The following SHPK variants were observed in gnomAD, a reference collection of about 807,000 sequenced individuals.
SHPK encodes the protein carbohydrate kinase-like protein.
In SHPK, 51 loss-of-function variants were observed where a neutral mutation model predicts 46.3. The observed-to-expected ratio is 1.10, with a 90% CI of 0.88 to 1.39. The LOEUF is 1.39. Ranked by LOEUF, SHPK falls within the 40% of genes most tolerant of loss-of-function variation. The pLI is 0.00. For synonymous variants in SHPK, 290 were observed against 273.9 expected, an observed-to-expected ratio of 1.06 and a Z score of -0.58; for missense variants, 668 against 641.3, an observed-to-expected ratio of 1.04 and a Z score of -0.45.
chr17:3,611,195 A>G (rs1373567727), intron 6 of SHPK, among the ~76,000 whole-genome samples: 2 of 152,186 alleles, frequency 1.3e-5, no homozygotes, highest in Admixed American at 6.5e-5. Flanking sequence ...CATCAGGGTG[A>G]GGTCTCATTA....
At chr17:3,623,599 G>A (rs1200291987) in intron 3 of SHPK, 108 bp from the exon 4 acceptor site, 37 of 1,093,624 alleles carry the variant, frequency 3.4e-5, no homozygotes, top group Non-Finnish European at 4.6e-5. Flanking sequence ...CCAGGTGGCA[G>A]CCACAACCGC....
chr17:3,626,752 T>C lies in SHPK; in HGVS notation c.311-2521A>G, dbSNP rs572949644. On this transcript the variant is annotated intron_variant, in intron 2 of 6. Coordinates refer to ENST00000225519, the MANE Select transcript of SHPK (RefSeq NM_013276.4). ...AAAAAAAAAAAAAAATAGCCAGGCA[T>C]GGTGGCGGGTGCCTGTAGTAACAGT... 8.3e-4 allele frequency among the ~76,000 whole-genome samples: 120 copies of C among 145,242 alleles called. 4 individuals carry two copies. In the South Asian group the frequency reaches 0.024, roughly 29 times the overall value.
chr17:3,611,965 G>C (rs775907495), intron 6 of SHPK, among the ~76,000 whole-genome samples: 1 of 151,596 alleles, frequency 6.6e-6, no homozygotes, highest in Admixed American at 6.6e-5. Flanking sequence ...CACCACACCT[G>C]GCTAATTGTG....
At chr17:3,632,585 T>C (rs1306585099) in intron 1 of SHPK, among the ~76,000 whole-genome samples, 2 of 152,088 alleles carry the variant, frequency 1.3e-5, no homozygotes, top group African/African-American at 4.8e-5. Flanking sequence ...GAAACAGTTT[T>C]AGGGGCGGGT....
In SHPK at chr17:3,630,250, C is replaced by T. The variant is rs926082343; in HGVS notation, c.265G>A (p.Val89Met). ...PQLRSVVGIG[V>M]SGQMHGVVFW... is the part of the protein sequence containing the mutation. Reference sequence around the variant, plus strand: ...ACGACTCCATGCATCTGGCCCGACACCCCGATGCCCACGACGCTCCGGAGC... The same window carrying T: ...ACGACTCCATGCATCTGGCCCGACATCCCGATGCCCACGACGCTCCGGAGC... The change falls in exon 2 of 7, where the codon GTG becomes ATG. Residue 89 changes from valine (V) to methionine (M), a missense_variant. By Grantham distance (21) the Val-to-Met change is conservative. Transcript: ENST00000225519. 3.1e-6 allele frequency: 5 copies of T among 1,613,630 alleles called. No homozygotes were observed. Among genetic ancestry groups the T allele is most frequent in the Middle Eastern group, 1.6e-4 (1 of 6,084 alleles).
At chr17:3,624,755 G>A (rs937728416) in intron 2 of SHPK, among the ~76,000 whole-genome samples, 15 of 152,118 alleles carry the variant, frequency 9.9e-5, no homozygotes, top group Non-Finnish European at 1.5e-4. Context: ...CCAGGTTCAA[G>A]CGATTCTCCT....
chr17:3,635,923 C>T, intron 1 of SHPK, 129 bp downstream of exon 1: 1 of 942,022 alleles, frequency 1.1e-6, no homozygotes, highest in Non-Finnish European at 1.5e-6. Context: ...AGACGGGCCC[C>T]TGGAGAAGCT....
intron 6 of SHPK, among the ~76,000 whole-genome samples, chr17:3,614,905 C>G (rs921863638): frequency 1.3e-5 from 2 of 151,746 alleles, no homozygotes; most frequent in Non-Finnish European, 2.9e-5. Context: ...CTTCCTATGG[C>G]CAGGCTTCTC....
At chr17:3,623,570 G>A (rs1027292006) in intron 3 of SHPK, 79 bp from the exon 4 acceptor site, 1 of 1,447,056 alleles carries the variant, frequency 6.9e-7, no homozygotes, top group Non-Finnish European at 9.7e-7. Context: ...GCAGGCAGCA[G>A]GGACCAGCTG....
rs1317870938 is a variant in SHPK, at chr17:3,610,667, C to T, written c.1330G>A (p.Val444Met). ...LSRNDVLKQE[V>M]QRAFPLPMSF... Reference sequence around the variant, plus strand: ...ATGGGCAAAGGGAAAGCCCTCTGCACCTCCTGCTTCAGCACGTCATTCCTG... The same window carrying T: ...ATGGGCAAAGGGAAAGCCCTCTGCATCTCCTGCTTCAGCACGTCATTCCTG... Residue 444 changes from valine to methionine, a missense_variant, in exon 7 of 7, where the codon GTG becomes ATG. Val to Met is a conservative substitution (Grantham distance 21). Transcript: ENST00000225519. The T allele has an allele frequency of 1.2e-6, 2 of 1,614,106 alleles. No homozygotes were observed. Among genetic ancestry groups the T allele is most frequent in the African/African-American group, 2.7e-5 (2 of 75,050 alleles).
At position 3,636,043 on chromosome 17, in the gene SHPK, C is replaced by A. The variant is rs2150879457; in HGVS notation, c.168+9G>T. 2 of 1,544,332 alleles carry A rather than the reference C, an allele frequency of 1.3e-6. No individual in the cohort carries two copies. Among genetic ancestry groups the A allele is most frequent in the Non-Finnish European group, 8.7e-7 (1 of 1,148,644 alleles). On this transcript the variant is annotated intron_variant, in intron 1 of 6. Transcript: ENST00000225519. Reference sequence around the variant, plus strand: ...CTGGAGGCGGCGCGGCCCCGGGGGTCCAACTCACCTGGGGCCCGGCCACCG... The same window carrying A: ...CTGGAGGCGGCGCGGCCCCGGGGGTACAACTCACCTGGGGCCCGGCCACCG...
At chr17:3,619,638 CAGG>C in intron 5 of SHPK, 1 of 355,380 alleles carries the variant, frequency 2.8e-6, no homozygotes, top group South Asian at 2.4e-5. Context: ...GAGGACAAGG[CAGG>C]AGAATCGCTT....
Position 3,621,369 on chromosome 17 carries a change from C to G in SHPK, c.691G>C (p.Ala231Pro), listed in dbSNP as rs138467771. ...CTGCCCGCCACACTGCCAGGCTCGG[C>G]GATGTCTGGGAGCAGGTGGACAGGA... ...GFPVHLLPDI[A>P]EPGSVAGRTS... The change falls in exon 5 of 7, where the codon GCC becomes CCC. Residue 231 changes from alanine (A) to proline (P), a missense_variant. Coordinates refer to ENST00000225519, the MANE Select transcript of SHPK (RefSeq NM_013276.4). The G allele has an allele frequency of 1.2e-4, 199 of 1,613,970 alleles. 3 individuals are homozygous for G. Among genetic ancestry groups the G allele is most frequent in the South Asian group, 4.8e-4 (44 of 91,084 alleles).
intron 6 of SHPK, among the ~76,000 whole-genome samples, chr17:3,611,661 G>A (rs1228893383): frequency 6.6e-6 from 1 of 152,094 alleles, no homozygotes; most frequent in East Asian, 1.9e-4. Context: ...ATCACTGAAT[G>A]GGCCACCCTC....
chr17:3,632,665 T>C (rs554188049), intron 1 of SHPK, among the ~76,000 whole-genome samples: 1 of 152,202 alleles, frequency 6.6e-6, no homozygotes, highest in East Asian at 1.9e-4. Context: ...ACTCCTTGGC[T>C]CAGAATATCA....
At chr17:3,626,269 G>A (rs2075436614) in intron 2 of SHPK, among the ~76,000 whole-genome samples, 1 of 152,044 alleles carries the variant, frequency 6.6e-6, no homozygotes. Flanking sequence ...GACATTCTAT[G>A]GGCCCTTTCA....
intron 6 of SHPK, among the ~76,000 whole-genome samples, chr17:3,612,663 A>C (rs1247492901): frequency 1.3e-5 from 2 of 151,850 alleles, no homozygotes; most frequent in Non-Finnish European, 2.9e-5. Context: ...TCTTATACAC[A>C]GCCACGCTGG....
At chr17:3,623,248 C>T (rs1382078789) in intron 4 of SHPK, 91 bp downstream of exon 4, 2 of 1,462,892 alleles carry the variant, frequency 1.4e-6, no homozygotes, top group East Asian at 2.3e-5. Flanking sequence ...TCCACCACTC[C>T]CAGATGGGAA....
intron 1 of SHPK, among the ~76,000 whole-genome samples, chr17:3,634,799 T>C (rs1218431679): frequency 2.0e-5 from 3 of 152,066 alleles, no homozygotes; most frequent in African/African-American, 7.2e-5. Context: ...CTGAAATCCC[T>C]ATCCTCAGAA....
Sources: gnomAD v4.1 joint callset for allele counts (sites outside exome capture counted in the v4.1 genomes callset) on GRCh38, gnomAD v4.1.1 for gene constraint, MANE v1.5 for transcripts, NCBI Gene and HGNC (gene_info 2026-07-23, HGNC 2026-07-21) for gene names.